The following OTOGL variants were observed in gnomAD, a reference collection of about 807,000 sequenced individuals.
The protein encoded by OTOGL is otogelin like.
OTOGL carries 285 observed loss-of-function variants against 318.5 expected under a neutral mutation model. The ratio of observed to expected loss-of-function variants is 0.89; its 90% CI spans 0.81 to 0.99. The LOEUF is 0.99. OTOGL is among the 50% of genes least tolerant of loss of function. The pLI, the probability that OTOGL is intolerant of heterozygous loss-of-function variation, is 0.00. For synonymous variants in OTOGL, 987 were observed against 936.5 expected (o/e 1.05, Z -0.99); for missense variants, 2,899 against 2,845.6 (o/e 1.02, Z -0.43).
At chr12:80,266,352 C>T in intron 20 of OTOGL, 99 bp from the exon 21 acceptor site, 1 of 1,261,838 alleles carries the variant, frequency 7.9e-7, no homozygotes, top group Non-Finnish European at 1.1e-6. Flanking sequence ...TGCCTTGTAA[C>T]AGGCCAGCTT....
intron 52 of OTOGL, among the ~76,000 whole-genome samples, chr12:80,365,294 T>C (rs745427020): frequency 4.1e-4 from 62 of 152,084 alleles, no homozygotes; most frequent in Non-Finnish European, 5.9e-4. Flanking sequence ...GGATGTTCAT[T>C]TGGGAGTAAA....
intron 1 of OTOGL, among the ~76,000 whole-genome samples, chr12:80,129,105 C>T (rs7132760): frequency 0.54 from 81,367 of 152,016 alleles, 21,953 homozygotes; most frequent in Middle Eastern, 0.58. Context: ...CTTGGAAATG[C>T]AGAAGTCATT....
chr12:80,229,046 T>C (rs942561347), intron 7 of OTOGL, among the ~76,000 whole-genome samples: 2 of 152,196 alleles, frequency 1.3e-5, no homozygotes, highest in African/African-American at 2.4e-5. Flanking sequence ...TTCAAAAATA[T>C]GCTGATTAAC....
In OTOGL at chr12:80,366,384, A is replaced by G. The variant is rs756957380; in HGVS notation, c.6268-190A>G. The G allele has an allele frequency of 2.3e-4, 108 of 467,992 alleles. 1 individual carries two copies. Among genetic ancestry groups the G allele is most frequent in the Non-Finnish European group, 1.6e-4 (38 of 236,484 alleles). 29.0% of individuals were successfully genotyped at this position (467,992 alleles called of 1,614,324 possible). A position where few individuals can be genotyped will look rare whatever the true frequency, so the allele number is the denominator to read the frequency against. The stretch of plus-strand genomic sequence containing the variant: ...CAAATGTTGTCTTTGATTGCCCTAC[A>G]GAAGCTCAGAATCAAACAATATGAT... On this transcript the variant is annotated intron_variant, in intron 52 of 58. Transcript: ENST00000547103.
intron 44 of OTOGL, among the ~76,000 whole-genome samples, chr12:80,349,801 T>C (rs1434040012): frequency 6.6e-6 from 1 of 152,224 alleles, no homozygotes; most frequent in East Asian, 1.9e-4. Context: ...TATTTAATTT[T>C]ATTTTTATAT....
At chr12:80,283,704 A>C (rs1309648297) in intron 26 of OTOGL, among the ~76,000 whole-genome samples, 1 of 152,056 alleles carries the variant, frequency 6.6e-6, no homozygotes, top group Non-Finnish European at 1.5e-5. Flanking sequence ...AGTTCTAGCA[A>C]TCTAACACTT....
chr12:80,122,581 TTTAC>T (rs1454147407), intron 1 of OTOGL, among the ~76,000 whole-genome samples: 1 of 152,194 alleles, frequency 6.6e-6, no homozygotes, highest in African/African-American at 2.4e-5. Context: ...TTTCATAGTC[TTTAC>T]TGACTATGTT....
In OTOGL at chr12:80,209,419, AG is replaced by A. The variant is rs1877066163; in HGVS notation, c.-11del. ...CAATTTGGTTACATTTCAGGGGGAA[AG>A]GCTACACTGAAATGAACATTGTAAG... On this transcript the variant is annotated 5_prime_UTR_variant, in exon 2 of 59. Transcript: ENST00000547103. 3 of 1,462,204 alleles carry A rather than the reference AG, an allele frequency of 2.1e-6. No individual in the cohort carries two copies. The South Asian group carries it at 4.2e-5, about 20-fold the overall frequency. 90.6% of individuals were successfully genotyped at this position (1,462,204 alleles called of 1,614,324 possible).
chr12:80,252,394 G>T (rs965320774), intron 13 of OTOGL, among the ~76,000 whole-genome samples, 193 bp downstream of exon 13: 2 of 152,136 alleles, frequency 1.3e-5, no homozygotes, highest in Non-Finnish European at 2.9e-5. Context: ...TCATTACTTT[G>T]TAAAGTTTCC....
intron 2 of OTOGL, among the ~76,000 whole-genome samples, chr12:80,209,833 A>G (rs116326196): frequency 0.01 from 1,558 of 152,182 alleles, 30 homozygotes; most frequent in African/African-American, 0.035. Flanking sequence ...CATGATATGC[A>G]ATTGTATTAG....
chr12:80,302,288 T>C (rs1465688790), intron 27 of OTOGL, among the ~76,000 whole-genome samples: 1 of 152,232 alleles, frequency 6.6e-6, no homozygotes, highest in African/African-American at 2.4e-5. Context: ...CTGTCATATT[T>C]ATTCATCACA....
intron 29 of OTOGL, among the ~76,000 whole-genome samples, chr12:80,309,957 G>A (rs1171525387): frequency 6.6e-6 from 1 of 152,118 alleles, no homozygotes; most frequent in Non-Finnish European, 1.5e-5. Flanking sequence ...ATTAAGCTTT[G>A]CAAAGAGAGG....
intron 44 of OTOGL, among the ~76,000 whole-genome samples, chr12:80,342,877 AT>A (rs1438012994): frequency 1.3e-5 from 2 of 151,906 alleles, no homozygotes; most frequent in East Asian, 3.9e-4. Context: ...GGAGTTTTAG[AT>A]TTTTCTTTTC....
chr12:80,107,596 T>A (rs376227098), intron 1 of OTOGL, among the ~76,000 whole-genome samples: 82 of 152,274 alleles, frequency 5.4e-4, no homozygotes, highest in South Asian at 1.9e-3. Context: ...AGCCCCTTAT[T>A]GGGTATACAC....
intron 1 of OTOGL, among the ~76,000 whole-genome samples, chr12:80,165,951 A>T (rs979147661): frequency 3.9e-5 from 6 of 152,180 alleles, no homozygotes; most frequent in Admixed American, 1.3e-4. Flanking sequence ...ACCCTGGCTG[A>T]TACACCTTCC....
At chr12:80,279,315 G>A (rs1036311206) in intron 26 of OTOGL, 149 bp downstream of exon 26, 10 of 834,922 alleles carry the variant, frequency 1.2e-5, no homozygotes, top group African/African-American at 1.1e-4. Context: ...TTTCAGGTTC[G>A]GGGGTACTTG....
chr12:80,221,069 G>C (rs1225402899), intron 6 of OTOGL, among the ~76,000 whole-genome samples: 1 of 151,962 alleles, frequency 6.6e-6, no homozygotes, highest in African/African-American at 2.4e-5. Flanking sequence ...TACATGTATT[G>C]AGTGCTCAGT....
chr12:80,370,700 T>A lies in OTOGL; in HGVS notation c.6735+11T>A, dbSNP rs765222412. 4 of 1,519,654 alleles carry A rather than the reference T, an allele frequency of 2.6e-6. No individual in the cohort carries two copies. In the Admixed American group the frequency reaches 7.9e-5, roughly 30 times the overall value. 94.1% of individuals were successfully genotyped at this position (1,519,654 alleles called of 1,614,324 possible). ...ACTGAATGCAAAATGGTTTGTACTT[T>A]GTTGTATCTAAGAAAATTTATTATT... On this transcript the variant is annotated intron_variant, in intron 56 of 58. Transcript: ENST00000547103.
At chr12:80,303,018 T>C (rs1472427139) in intron 28 of OTOGL, among the ~76,000 whole-genome samples, 1 of 152,174 alleles carries the variant, frequency 6.6e-6, no homozygotes, top group Non-Finnish European at 1.5e-5. Context: ...TTAAGCCAGC[T>C]TTCTTCTTCT....
Sources: gnomAD v4.1 joint callset for allele counts (sites outside exome capture counted in the v4.1 genomes callset) on GRCh38, gnomAD v4.1.1 for gene constraint, MANE v1.5 for transcripts, NCBI Gene and HGNC (gene_info 2026-07-23, HGNC 2026-07-21) for gene names.